The following CMPK2 variants were observed in gnomAD, a reference collection of about 807,000 sequenced individuals.
CMPK2 encodes the protein cytidine/uridine monophosphate kinase 2.
A neutral mutation model predicts 33.4 loss-of-function variants in CMPK2; 32 were observed. The observed-to-expected ratio is 0.96, with a 90% CI of 0.72 to 1.29. The LOEUF is 1.29. Ranked by LOEUF, CMPK2 falls within the 50% of genes most tolerant of loss-of-function variation. The pLI is 0.00. For missense variants in CMPK2, 672 were observed against 616.0 expected, an observed-to-expected ratio of 1.09 and a Z score of -0.96; for synonymous variants, 299 against 275.3, an observed-to-expected ratio of 1.09 and a Z score of -0.85.
intron 2 of CMPK2, among the ~76,000 whole-genome samples, 184 bp from the exon 3 acceptor site, chr2:6,861,569 G>A (rs574840129): frequency 1.4e-4 from 21 of 152,278 alleles, no homozygotes; most frequent in Admixed American, 2.6e-4. Context: ...TAGGAAACCC[G>A]GAGGAAAAAT....
At chr2:6,846,011 A>G (rs1662351815), downstream of CMPK2, among the ~76,000 whole-genome samples, 1 of 152,114 alleles carries the variant, frequency 6.6e-6, no homozygotes, top group African/African-American at 2.4e-5. Flanking sequence ...CTGATCACTG[A>G]TAGAGGAACG....
At chr2:6,856,285 T>C (rs1662701429) in intron 3 of CMPK2, among the ~76,000 whole-genome samples, 1 of 152,152 alleles carries the variant, frequency 6.6e-6, no homozygotes, top group Non-Finnish European at 1.5e-5. Context: ...CAAATAAAAC[T>C]CCATACCTAA....
chr2:6,866,282 T>G, upstream of CMPK2: 1 of 296,804 alleles, frequency 3.4e-6, no homozygotes. Context: ...CTCCTAGCTC[T>G]GACCACGCGT....
rs1662440575 is a variant in CMPK2, at chr2:6,849,248, G to C, written c.*602C>G. 1.0e-6 allele frequency: 1 copy of C among 985,436 alleles called. No individual in the cohort carries two copies. Among genetic ancestry groups the C allele is most frequent in the South Asian group, 4.7e-5 (1 of 21,290 alleles). The allele number at this position is 985,436 out of a possible 1,614,324, so 61.0% of individuals were successfully genotyped here. ...AAAGGGCTCTGAGCCTCAGACACAA[G>C]ATCAATGCCTTCTTTGTAAGTGTTC... On this transcript the variant is annotated 3_prime_UTR_variant, in exon 5 of 5. Transcript: ENST00000256722.
chr2:6,862,989 T>C (rs921868605), intron 2 of CMPK2, among the ~76,000 whole-genome samples: 3 of 152,162 alleles, frequency 2.0e-5, no homozygotes, highest in Admixed American at 6.5e-5. Flanking sequence ...AAGGCTTTTT[T>C]TTCTTCCATT....
intron 3 of CMPK2, among the ~76,000 whole-genome samples, chr2:6,852,622 G>T (rs989794857): frequency 1.3e-5 from 2 of 152,190 alleles, no homozygotes; most frequent in African/African-American, 4.8e-5. Context: ...TGTTATAAGT[G>T]TAATATCTAT....
At chr2:6,865,945 G>A (rs748517929), upstream of CMPK2, 11 of 1,303,948 alleles carry the variant, frequency 8.4e-6, no homozygotes, top group East Asian at 4.3e-4. Context: ...CAGACGCTTG[G>A]CCCCGGGGCC....
At chr2:6,840,886 T>A (rs922673096) in intron 3 of CMPK2, among the ~76,000 whole-genome samples, 1 of 152,076 alleles carries the variant, frequency 6.6e-6, no homozygotes, top group African/African-American at 2.4e-5. Context: ...CCATATACCA[T>A]TTCAAAAGGG....
intron 3 of CMPK2, among the ~76,000 whole-genome samples, chr2:6,841,657 C>T (rs1464309421): frequency 6.6e-6 from 1 of 151,640 alleles, no homozygotes; most frequent in Non-Finnish European, 1.5e-5. Flanking sequence ...AATACTGAGG[C>T]TTTATTTCCC....
At chr2:6,847,006 T>TG (rs1662378190), downstream of CMPK2, among the ~76,000 whole-genome samples, 1 of 152,128 alleles carries the variant, frequency 6.6e-6, no homozygotes, top group Non-Finnish European at 1.5e-5. Flanking sequence ...AGGGTGAAGT[T>TG]GGAGTGAAAC....
intron 3 of CMPK2, among the ~76,000 whole-genome samples, chr2:6,855,294 C>T (rs1662651964): frequency 6.8e-6 from 1 of 146,534 alleles, no homozygotes; most frequent in African/African-American, 2.4e-5. Context: ...ATGTGTAGCA[C>T]TTCCCCCTGC....
chr2:6,841,035 T>C lies in CMPK2; in HGVS notation c.993-357A>G, dbSNP rs138550421. Among the ~76,000 whole-genome samples, 272 of 152,170 alleles carry C rather than the reference T, an allele frequency of 1.8e-3. 2 individuals carry two copies. The highest frequency in any genetic ancestry group is 3.1e-3 in the South Asian group (15 of 4,802). ...TGTCTCTTAATGATATCATTTGTTT[T>C]CTCCACCTTCCCTGAAGACTGCAGT... On this transcript the variant is annotated intron_variant, in intron 3 of 3. Transcript: ENST00000458098.
At chr2:6,852,664 G>A (rs1301226287) in intron 3 of CMPK2, among the ~76,000 whole-genome samples, 1 of 152,182 alleles carries the variant, frequency 6.6e-6, no homozygotes, top group Non-Finnish European at 1.5e-5. Flanking sequence ...TCTTGAGTGG[G>A]AAATCTTTTT....
chr2:6,841,150 T>C (rs1328967362), intron 3 of CMPK2, among the ~76,000 whole-genome samples: 1 of 152,132 alleles, frequency 6.6e-6, no homozygotes, highest in East Asian at 1.9e-4. Context: ...CATTGTCACT[T>C]TGGAGGTATT....
chr2:6,847,581 T>A (rs1662392899), downstream of CMPK2, among the ~76,000 whole-genome samples: 1 of 152,146 alleles, frequency 6.6e-6, no homozygotes, highest in Non-Finnish European at 1.5e-5. Context: ...TTACATTATG[T>A]GGGGTGAGGC....
At chr2:6,848,059 G>A (rs1662404863), downstream of CMPK2, among the ~76,000 whole-genome samples, 1 of 152,140 alleles carries the variant, frequency 6.6e-6, no homozygotes, top group Admixed American at 6.5e-5. Flanking sequence ...ATACCTATCA[G>A]TATATAAAAA....
chr2:6,861,479 T>C, intron 2 of CMPK2, 94 bp from the exon 3 acceptor site: 1 of 863,780 alleles, frequency 1.2e-6, no homozygotes, highest in Non-Finnish European at 1.9e-6. Context: ...AAACTGCAAA[T>C]GAAATGAGTA....
chr2:6,845,510 C>T (rs1662336044), downstream of CMPK2, among the ~76,000 whole-genome samples: 1 of 152,174 alleles, frequency 6.6e-6, no homozygotes, highest in Admixed American at 6.5e-5. Flanking sequence ...TAGGTGCCGC[C>T]CCATGGATGC....
At chr2:6,850,927 A>G in intron 4 of CMPK2, 2 of 991,154 alleles carry the variant, frequency 2.0e-6, no homozygotes, top group African/African-American at 3.5e-5. Flanking sequence ...TGGCTGCAAA[A>G]TCAGAAAGAT....
Sources: allele counts gnomAD v4.1 joint callset (sites outside exome capture counted in the v4.1 genomes callset), GRCh38; gene constraint gnomAD v4.1.1; transcripts MANE v1.5; gene names NCBI Gene and HGNC (gene_info 2026-07-23, HGNC 2026-07-21).